PARD3B: variants seen among roughly 807,000 people sequenced by gnomAD.
PARD3B encodes the protein partitioning defective 3 homolog B.
Under a neutral mutation model 130.2 loss-of-function variants are expected in PARD3B, and 103 were observed. The ratio of observed to expected loss-of-function variants is 0.79; its 90% CI spans 0.67 to 0.93. The LOEUF (loss-of-function observed/expected upper bound fraction) is 0.93. PARD3B is among the 40% of genes least tolerant of loss of function. The probability of loss-of-function intolerance (pLI) is 0.00; values close to 1 mark genes in which losing one functional copy is unlikely to be tolerated. For synonymous variants in PARD3B, 583 were observed against 553.2 expected, an observed-to-expected ratio of 1.05 and a Z score of -0.76; for missense variants, 1,609 against 1,499.2, an observed-to-expected ratio of 1.07 and a Z score of -1.21.
Position 204,778,888 on chromosome 2 carries a change from C to T in PARD3B, c.222+92606C>T, listed in dbSNP as rs2041736141. On this transcript the variant is annotated intron_variant, in intron 2 of 22. Transcript: ENST00000406610. Reference sequence around the variant, plus strand: ...TCATGTTACTCTCCTACTTAGTATTCTGTCATGAGTTCTTATTGCTCTTAA... The same window carrying T: ...TCATGTTACTCTCCTACTTAGTATTTTGTCATGAGTTCTTATTGCTCTTAA... 3.9e-5 allele frequency among the ~76,000 whole-genome samples: 6 copies of T among 152,130 alleles called. No individual in the cohort carries two copies. The South Asian group carries it at 1.2e-3, about 32-fold the overall frequency.
intron 22 of PARD3B, among the ~76,000 whole-genome samples, chr2:205,555,304 T>A (rs935519006): frequency 6.6e-6 from 1 of 152,190 alleles, no homozygotes; most frequent in Non-Finnish European, 1.5e-5. Context: ...TCACCTAGTA[T>A]GTACCAGGCC....
At chr2:205,013,432 G>T (rs1695880673) in intron 3 of PARD3B, among the ~76,000 whole-genome samples, 1 of 152,062 alleles carries the variant, frequency 6.6e-6, no homozygotes, top group Non-Finnish European at 1.5e-5. Context: ...CAGAAGCAGA[G>T]AATACATTAT....
chr2:205,542,017 C>A (rs561890975), intron 21 of PARD3B, among the ~76,000 whole-genome samples: 1 of 151,548 alleles, frequency 6.6e-6, no homozygotes, highest in East Asian at 1.9e-4. Flanking sequence ...ATGGTTCATG[C>A]CTATAATCTC....
rs982097878 is a variant in PARD3B at position 205,183,775 on chromosome 2, A to T, written c.1925-1989A>T. On this transcript the variant is annotated intron_variant, in intron 13 of 22. Transcript: ENST00000406610. The surrounding 1 kb of genome is among the most constrained non-coding windows in gnomAD (Gnocchi z 5.2). ...GTGTGTGTGTGTGTGTGTGTGTGTG[A>T]ACAGATTTATGATAAGGAATTGGCT... is the stretch of plus-strand genomic sequence containing the variant. Among the ~76,000 whole-genome samples the T allele has an allele frequency of 4.1e-4, 37 of 90,732 alleles. 1 individual carries two copies. Among genetic ancestry groups the T allele is most frequent in the Admixed American group, 1.8e-3 (15 of 8,262 alleles). The allele number at this position is 90,732 out of a possible 152,430, so 59.5% of individuals were successfully genotyped here.
At chr2:204,978,339 A>G (rs1474269669) in intron 3 of PARD3B, among the ~76,000 whole-genome samples, 1 of 152,234 alleles carries the variant, frequency 6.6e-6, no homozygotes, top group Non-Finnish European at 1.5e-5. Context: ...TTAGGCATGG[A>G]GTATCTCTAT....
At chr2:204,595,720 A>G (rs750467565) in intron 1 of PARD3B, among the ~76,000 whole-genome samples, 3 of 152,268 alleles carry the variant, frequency 2.0e-5, no homozygotes, top group Non-Finnish European at 4.4e-5. Context: ...ATGATTTTGT[A>G]AAGCTGCATG....
intron 10 of PARD3B, among the ~76,000 whole-genome samples, chr2:205,132,063 T>C (rs951299194): frequency 3.4e-4 from 51 of 152,204 alleles, no homozygotes; most frequent in African/African-American, 1.2e-3. Flanking sequence ...TTGTTAGGAT[T>C]AAATGAGATG....
intron 19 of PARD3B, among the ~76,000 whole-genome samples, chr2:205,403,204 C>T (rs2046312073): frequency 1.3e-5 from 2 of 152,222 alleles, no homozygotes. Context: ...CTGTTGCTTA[C>T]TTGTCTCATC....
chr2:205,119,041 T>C lies in PARD3B; in HGVS notation c.801T>C (p.Phe267=). 6.3e-7 allele frequency: 1 copy of C among 1,599,160 alleles called. No individual in the cohort carries two copies. Among genetic ancestry groups the C allele is most frequent in the Non-Finnish European group, 8.5e-7 (1 of 1,175,126 alleles). Residue 267 remains phenylalanine, a synonymous_variant, in exon 7 of 23, where the codon TTT becomes TTC. Transcript: ENST00000406610. The part of the protein sequence containing the change: ...INNVDLVDKT[F]AQAQDVFRQA... ...ATGTGGATCTCGTAGACAAAACCTT[T>C]GCTCAGTAAGCATTTTTTCATTGTT...
rs1427611506 is a variant in PARD3B at position 205,183,733 on chromosome 2, T to TGG, written c.1925-2030_1925-2029insGG. On this transcript the variant is annotated intron_variant, in intron 13 of 22. Transcript: ENST00000406610. The surrounding 1 kb of genome is among the most constrained non-coding windows in gnomAD (Gnocchi z 5.2). ...TCTGCAGAGAAACAGAACCAAGTTG[T>TGG]GTGTGTGTGTGTGTGTGTGTGTGTG... 2.4e-5 allele frequency among the ~76,000 whole-genome samples: 2 copies of TGG among 82,428 alleles called. No individual in the cohort carries two copies. Among genetic ancestry groups the TGG allele is most frequent in the Admixed American group, 1.0e-4 (1 of 9,964 alleles). 54.1% of individuals were successfully genotyped at this position (82,428 alleles called of 152,430 possible).
At chr2:204,793,496 A>C (rs1315127721) in intron 2 of PARD3B, among the ~76,000 whole-genome samples, 1 of 151,860 alleles carries the variant, frequency 6.6e-6, no homozygotes, top group Non-Finnish European at 1.5e-5. Context: ...CTCACTTATC[A>C]TTGACCTTTT....
At chr2:204,800,251 T>C (rs886302809) in intron 2 of PARD3B, among the ~76,000 whole-genome samples, 1 of 152,112 alleles carries the variant, frequency 6.6e-6, no homozygotes, top group Non-Finnish European at 1.5e-5. Flanking sequence ...GAAGCATGCA[T>C]TGGAGTCTCT....
chr2:205,478,602 C>G (rs1202381635), intron 20 of PARD3B, among the ~76,000 whole-genome samples: 5 of 152,042 alleles, frequency 3.3e-5, no homozygotes, highest in African/African-American at 4.8e-5. Flanking sequence ...TAGTCCTGCT[C>G]AAGATTTCAG....
At position 204,648,003 on chromosome 2, in the gene PARD3B, T is replaced by C. The variant is rs534130217; in HGVS notation, c.121-38178T>C. ...AATTATACTTTTTAAAGGTTAATTT[T>C]TGTGTATATTTGGAGAAGGTGACTA... is the stretch of plus-strand genomic sequence containing the variant. On this transcript the variant is annotated intron_variant, in intron 1 of 22. Transcript: ENST00000406610. 7.9e-5 allele frequency among the ~76,000 whole-genome samples: 12 copies of C among 151,718 alleles called. No individual in the cohort carries two copies. The South Asian group carries it at 2.5e-3, about 31-fold the overall frequency.
chr2:205,615,624 C>T lies in PARD3B; in HGVS notation c.3429C>T (p.Tyr1143=). The T allele has an allele frequency of 1.2e-6, 2 of 1,614,010 alleles. No individual in the cohort carries two copies. Among genetic ancestry groups the T allele is most frequent in the Non-Finnish European group, 1.7e-6 (2 of 1,179,964 alleles). Residue 1143 remains tyrosine (Y), a synonymous_variant, in exon 23 of 23, where the codon TAC becomes TAT. Coordinates refer to ENST00000406610, the MANE Select transcript of PARD3B (RefSeq NM_001302769.2). ...CAGATCTCCGGTATCCTCAGCACTA[C>T]CCACCCCCGCCAGCTCCCCAGCACA... is the stretch of plus-strand genomic sequence containing the variant. The part of the protein sequence containing the change: ...RVADLRYPQH[Y]PPPPAPQHKG...
chr2:204,619,185 G>T (rs1481468325), intron 1 of PARD3B, among the ~76,000 whole-genome samples: 1 of 152,158 alleles, frequency 6.6e-6, no homozygotes, highest in African/African-American at 2.4e-5. Context: ...TGCTGAGAAT[G>T]AAGAAGGTCA....
chr2:205,087,511 C>CT (rs1553611358), intron 4 of PARD3B, among the ~76,000 whole-genome samples: 1 of 151,896 alleles, frequency 6.6e-6, no homozygotes. Flanking sequence ...TTTTTTCTTG[C>CT]TGTCTTCAAT....
rs774880818 is a variant in PARD3B at position 205,300,781 on chromosome 2, A to T, written c.2392+45A>T. ...TAAATGGCTTCTTCATCTCATTATT[A>T]TCTGCAAATCATGGGCAAGAATGTG... On this transcript the variant is annotated intron_variant, in intron 17 of 22. Transcript: ENST00000406610. The surrounding 1 kb of genome is among the most constrained non-coding windows in gnomAD (Gnocchi z 4.1). 6.4e-7 allele frequency: 1 copy of T among 1,557,166 alleles called. No individual in the cohort carries two copies. The highest frequency in any genetic ancestry group is 2.3e-5 in the East Asian group (1 of 43,932).
At chr2:205,016,097 A>G (rs1173489707) in intron 3 of PARD3B, among the ~76,000 whole-genome samples, 1 of 152,194 alleles carries the variant, frequency 6.6e-6, no homozygotes, top group Non-Finnish European at 1.5e-5. Flanking sequence ...TATGACAATA[A>G]TCTCTTCTTT....
Sources: allele counts gnomAD v4.1 joint callset (sites outside exome capture counted in the v4.1 genomes callset), GRCh38; gene constraint gnomAD v4.1.1; non-coding constraint Gnocchi (gnomAD v3.1); transcripts MANE v1.5; gene names NCBI Gene and HGNC (gene_info 2026-07-23, HGNC 2026-07-21).